The following KIAA1217 variants were observed in gnomAD, a reference collection of about 807,000 sequenced individuals.
The protein encoded by KIAA1217 is KIAA1217.
A neutral mutation model predicts 163.9 loss-of-function variants in KIAA1217; 88 were observed. That is an observed-to-expected ratio of 0.54 (90% CI 0.45 to 0.64). KIAA1217 has a LOEUF of 0.64. KIAA1217 is among the 30% of genes least tolerant of loss of function. KIAA1217 has a pLI of 0.00. For synonymous variants in KIAA1217, 903 were observed against 923.1 expected (o/e 0.98, Z 0.39); for missense variants, 2,372 against 2,475.0 (o/e 0.96, Z 0.88).
At chr10:24,276,602 G>A (rs2132088927) in intron 2 of KIAA1217, among the ~76,000 whole-genome samples, 1 of 140,666 alleles carries the variant, frequency 7.1e-6, no homozygotes, top group Admixed American at 7.8e-5. Context: ...ATGCCATCAA[G>A]TCCAGCTTTT....
intron 2 of KIAA1217, among the ~76,000 whole-genome samples, chr10:24,118,578 A>G (rs1236103042): frequency 2.0e-5 from 3 of 152,198 alleles, no homozygotes; most frequent in African/African-American, 7.2e-5. Context: ...GGGCTGAGTG[A>G]AGAGAAATGT....
At chr10:23,780,110 T>C (rs913023688) in intron 1 of KIAA1217, among the ~76,000 whole-genome samples, 3 of 152,234 alleles carry the variant, frequency 2.0e-5, no homozygotes, top group African/African-American at 7.2e-5. Flanking sequence ...AAATATGAAG[T>C]TGTGATCCTC....
At chr10:23,979,305 T>C (rs563384585) in intron 1 of KIAA1217, among the ~76,000 whole-genome samples, 3 of 152,186 alleles carry the variant, frequency 2.0e-5, no homozygotes, top group Non-Finnish European at 4.4e-5. Context: ...CCCGCCCAAG[T>C]TGACATAGCC....
intron 1 of KIAA1217, among the ~76,000 whole-genome samples, chr10:23,750,631 A>G (rs1287386367): frequency 1.3e-5 from 2 of 152,142 alleles, no homozygotes; most frequent in East Asian, 3.9e-4. Context: ...CTTTGACGGA[A>G]GGCACTCAAA....
chr10:23,877,026 T>C (rs1210485876), intron 1 of KIAA1217, among the ~76,000 whole-genome samples: 2 of 151,998 alleles, frequency 1.3e-5, no homozygotes, highest in African/African-American at 2.4e-5. Flanking sequence ...TTAAAAGTTC[T>C]GCATTTTAAA....
At chr10:24,507,223 C>A (rs908838232) in intron 9 of KIAA1217, among the ~76,000 whole-genome samples, 2 of 152,110 alleles carry the variant, frequency 1.3e-5, no homozygotes, top group Admixed American at 1.3e-4. Flanking sequence ...CAGAGAAAGT[C>A]CAAAATCTGT....
intron 2 of KIAA1217, among the ~76,000 whole-genome samples, chr10:24,109,384 C>CT (rs113325699): frequency 5.6e-4 from 82 of 147,704 alleles, no homozygotes; most frequent in East Asian, 1.6e-3. Flanking sequence ...ACTGTGGTCT[C>CT]TTTTTTTTTT....
At chr10:24,472,359 A>G (rs1447826199) in intron 5 of KIAA1217, among the ~76,000 whole-genome samples, 1 of 152,150 alleles carries the variant, frequency 6.6e-6, no homozygotes, top group Non-Finnish European at 1.5e-5. Context: ...CATAGGCTCA[A>G]ATGAAGAGTT....
In KIAA1217 at chr10:23,838,980, G is replaced by C. The variant is rs140967152; in HGVS notation, c.-321+143746G>C. ...ATTTTTTCCCTTTCATATTTGTCATGTTCTTTATTTCTGTGTTCAGCTCCA... is the reference window on the plus strand; with the variant it reads ...ATTTTTTCCCTTTCATATTTGTCATCTTCTTTATTTCTGTGTTCAGCTCCA... On this transcript the variant is annotated intron_variant, in intron 1 of 18. Transcript: ENST00000376462. Among the ~76,000 whole-genome samples the C allele has an allele frequency of 4.7e-4, 72 of 152,094 alleles. 1 individual carries two copies. The East Asian group carries it at 0.013, about 27-fold the overall frequency.
At chr10:23,708,230 G>A (rs1334095131) in intron 1 of KIAA1217, among the ~76,000 whole-genome samples, 12 of 152,162 alleles carry the variant, frequency 7.9e-5, no homozygotes, top group Non-Finnish European at 1.6e-4. Context: ...AACCACCTCC[G>A]TGATTCCATT....
intron 2 of KIAA1217, among the ~76,000 whole-genome samples, chr10:24,186,536 G>A (rs1715136848): frequency 6.6e-6 from 1 of 151,996 alleles, no homozygotes. Flanking sequence ...CCAATTACTT[G>A]GTTTTCTCCA....
intron 2 of KIAA1217, among the ~76,000 whole-genome samples, chr10:24,359,122 C>T (rs2049592685): frequency 7.4e-6 from 1 of 136,016 alleles, no homozygotes; most frequent in Middle Eastern, 4.3e-3. Context: ...TAGAGTCTCA[C>T]TCTGTCACCC....
chr10:24,259,288 C>G (rs2075487507), intron 2 of KIAA1217, among the ~76,000 whole-genome samples: 1 of 152,094 alleles, frequency 6.6e-6, no homozygotes, highest in Non-Finnish European at 1.5e-5. Flanking sequence ...CCAGAGATTA[C>G]TTGGAATTAC....
intron 3 of KIAA1217, among the ~76,000 whole-genome samples, chr10:24,420,994 T>C (rs1393980495): frequency 2.1e-5 from 3 of 143,366 alleles, no homozygotes; most frequent in Non-Finnish European, 4.4e-5. Context: ...AGTGGTTTTG[T>C]TTGTTTGTTT....
At chr10:24,077,874 A>G (rs1465490601) in intron 2 of KIAA1217, among the ~76,000 whole-genome samples, 1 of 152,154 alleles carries the variant, frequency 6.6e-6, no homozygotes, top group East Asian at 1.9e-4. Flanking sequence ...CTTCTTTATA[A>G]TAGCCATTCT....
At chr10:23,779,271 T>C (rs1835148314) in intron 1 of KIAA1217, among the ~76,000 whole-genome samples, 1 of 152,186 alleles carries the variant, frequency 6.6e-6, no homozygotes. Flanking sequence ...TTGCCTGGTT[T>C]TTAAATTCTT....
At chr10:23,763,462 A>G (rs996861361) in intron 1 of KIAA1217, among the ~76,000 whole-genome samples, 2 of 152,142 alleles carry the variant, frequency 1.3e-5, no homozygotes, top group Non-Finnish European at 2.9e-5. Context: ...AACACCACAC[A>G]TTTACAACCA....
chr10:24,397,004 G>T (rs1251721788), intron 3 of KIAA1217, among the ~76,000 whole-genome samples: 1 of 152,106 alleles, frequency 6.6e-6, no homozygotes, highest in Non-Finnish European at 1.5e-5. Context: ...GAGTGAGCAG[G>T]GAAAAGAATC....
chr10:24,295,274 T>G (rs1473429661), intron 2 of KIAA1217, among the ~76,000 whole-genome samples: 1 of 148,766 alleles, frequency 6.7e-6, no homozygotes, highest in Non-Finnish European at 1.5e-5. Context: ...TTACAACTTT[T>G]AATTAATATA....
Sources: gnomAD v4.1 joint callset for allele counts (sites outside exome capture counted in the v4.1 genomes callset) on GRCh38, gnomAD v4.1.1 for gene constraint, MANE v1.5 for transcripts, NCBI Gene and HGNC (gene_info 2026-07-23, HGNC 2026-07-21) for gene names.